The following PTPRD variants were observed in gnomAD, a reference collection of about 807,000 sequenced individuals.
PTPRD encodes the protein receptor-type tyrosine-protein phosphatase delta.
PTPRD carries 34 observed loss-of-function variants against 214.5 expected under a neutral mutation model. The ratio of observed to expected loss-of-function variants is 0.16; its 90% CI spans 0.12 to 0.21. The LOEUF is 0.21. Among genes scored for constraint, PTPRD ranks in the 10% least tolerant of loss-of-function variants. The pLI is 1.00. For synonymous variants in PTPRD, 1,128 were observed against 845.7 expected, an observed-to-expected ratio of 1.33 and a Z score of -5.79; for missense variants, 2,545 against 2,398.7, an observed-to-expected ratio of 1.06 and a Z score of -1.27.
At chr9:9,644,458 T>G (rs1594023841) in intron 7 of PTPRD, among the ~76,000 whole-genome samples, 1 of 152,234 alleles carries the variant, frequency 6.6e-6, no homozygotes. Context: ...TTATTTGGTC[T>G]GAATAAAGAT....
chr9:10,253,481 T>C (rs1454890712), intron 3 of PTPRD, among the ~76,000 whole-genome samples: 2 of 152,246 alleles, frequency 1.3e-5, no homozygotes, highest in African/African-American at 4.8e-5. Flanking sequence ...CTCAGGAATA[T>C]GTAACCAAAC....
intron 3 of PTPRD, among the ~76,000 whole-genome samples, chr9:10,159,690 G>T (rs1204275398): frequency 1.3e-5 from 2 of 151,672 alleles, no homozygotes; most frequent in East Asian, 3.9e-4. Context: ...AGAAATCTTG[G>T]AAGTGAGAAA....
At chr9:9,896,839 T>A (rs76656192) in intron 5 of PTPRD, among the ~76,000 whole-genome samples, 218 of 152,148 alleles carry the variant, frequency 1.4e-3, no homozygotes, top group Non-Finnish European at 2.5e-3. Flanking sequence ...TAATGAGAAA[T>A]ACTTTAAATA....
intron 35 of PTPRD, among the ~76,000 whole-genome samples, chr9:8,425,033 T>C (rs1406287594): frequency 6.6e-6 from 1 of 152,200 alleles, no homozygotes; most frequent in African/African-American, 2.4e-5. Flanking sequence ...CAAAGCATGG[T>C]GGTGTGCCCA....
rs566260121 is a variant in PTPRD at position 9,719,573 on chromosome 9, A to C, written c.-287+14960T>G. On this transcript the variant is annotated intron_variant, in intron 7 of 45. Coordinates refer to ENST00000381196, the MANE Select transcript of PTPRD (RefSeq NM_002839.4). ...CGAGGCAAGCCAGCCCAGGATTTGC[A>C]GGCCAGAACAAGGTGGCAGGACTGA... is the stretch of plus-strand genomic sequence containing the variant. 9.2e-5 allele frequency among the ~76,000 whole-genome samples: 14 copies of C among 152,226 alleles called. No individual in the cohort carries two copies. The East Asian group carries it at 2.7e-3, about 30-fold the overall frequency.
intron 11 of PTPRD, among the ~76,000 whole-genome samples, chr9:8,838,374 T>C (rs114813275): frequency 0.01 from 1,528 of 152,232 alleles, 27 homozygotes; most frequent in African/African-American, 0.035. Flanking sequence ...CACAACCATA[T>C]ATCACTAGAT....
chr9:8,996,072 C>G (rs1263860243), intron 11 of PTPRD, among the ~76,000 whole-genome samples: 1 of 151,974 alleles, frequency 6.6e-6, no homozygotes, highest in Non-Finnish European at 1.5e-5. Context: ...TAAACATACA[C>G]TTTATATGCA....
intron 37 of PTPRD, among the ~76,000 whole-genome samples, chr9:8,380,699 G>A (rs1470462331): frequency 2.6e-5 from 4 of 152,040 alleles, no homozygotes; most frequent in Admixed American, 2.6e-4. Flanking sequence ...TAAAACTCTT[G>A]TCATTGCAAA....
intron 7 of PTPRD, among the ~76,000 whole-genome samples, chr9:9,645,496 AT>A (rs1264361532): frequency 3.4e-5 from 5 of 148,070 alleles, no homozygotes; most frequent in African/African-American, 9.8e-5. Flanking sequence ...ATTTGCTTCT[AT>A]TTGAAATATC....
At chr9:8,824,835 A>T (rs2097144368) in intron 11 of PTPRD, among the ~76,000 whole-genome samples, 2 of 152,218 alleles carry the variant, frequency 1.3e-5, no homozygotes, top group Admixed American at 6.5e-5. Context: ...AGAAACAACT[A>T]ATGAGACTAG....
chr9:8,819,758 C>T (rs1390542643), intron 11 of PTPRD, among the ~76,000 whole-genome samples: 1 of 152,162 alleles, frequency 6.6e-6, no homozygotes, highest in Non-Finnish European at 1.5e-5. Flanking sequence ...TAGTTAAAGT[C>T]AGATTCCTTT....
chr9:9,589,773 T>C (rs913950314), intron 7 of PTPRD, among the ~76,000 whole-genome samples: 2 of 152,008 alleles, frequency 1.3e-5, no homozygotes, highest in African/African-American at 2.4e-5. Context: ...TTCAGAGATG[T>C]TGAAATTTGA....
intron 9 of PTPRD, among the ~76,000 whole-genome samples, chr9:9,367,683 C>T (rs1007229280): frequency 4.6e-5 from 7 of 151,446 alleles, no homozygotes; most frequent in East Asian, 1.9e-4. Context: ...ATCAAAACTG[C>T]CAGAGACGTG....
intron 11 of PTPRD, among the ~76,000 whole-genome samples, chr9:8,819,760 G>C (rs1168631430): frequency 3.3e-5 from 5 of 152,190 alleles, no homozygotes; most frequent in African/African-American, 1.2e-4. Context: ...GTTAAAGTCA[G>C]ATTCCTTTGT....
At chr9:9,563,353 T>C (rs1766388349) in intron 8 of PTPRD, among the ~76,000 whole-genome samples, 1 of 152,204 alleles carries the variant, frequency 6.6e-6, no homozygotes, top group Non-Finnish European at 1.5e-5. Context: ...TTTGACAATA[T>C]GATAACTCCA....
chr9:8,636,455 T>C (rs1487911629), intron 13 of PTPRD, among the ~76,000 whole-genome samples: 4 of 152,144 alleles, frequency 2.6e-5, no homozygotes, highest in African/African-American at 9.7e-5. Flanking sequence ...GGGATGAAAC[T>C]GACAGACTAA....
At chr9:8,710,948 C>T (rs2098321169) in intron 12 of PTPRD, among the ~76,000 whole-genome samples, 1 of 152,066 alleles carries the variant, frequency 6.6e-6, no homozygotes, top group South Asian at 2.1e-4. Context: ...ATATTGCTTT[C>T]AAGTAACATT....
At chr9:9,411,887 T>C (rs1247632571) in intron 8 of PTPRD, among the ~76,000 whole-genome samples, 1 of 152,210 alleles carries the variant, frequency 6.6e-6, no homozygotes, top group East Asian at 1.9e-4. Flanking sequence ...AGTGACCCTA[T>C]GACCCTGCAA....
At chr9:9,954,108 C>G (rs1331342041) in intron 4 of PTPRD, among the ~76,000 whole-genome samples, 1 of 151,276 alleles carries the variant, frequency 6.6e-6, no homozygotes, top group Non-Finnish European at 1.5e-5. Context: ...CCAGTGGGGC[C>G]AACATGATGA....
Sources: gnomAD v4.1 joint callset for allele counts (sites outside exome capture counted in the v4.1 genomes callset) on GRCh38, gnomAD v4.1.1 for gene constraint, MANE v1.5 for transcripts, NCBI Gene and HGNC (gene_info 2026-07-23, HGNC 2026-07-21) for gene names.